Variants in ZSWIM4 observed in about 807,000 individuals in gnomAD.
ZSWIM4 encodes the protein zinc finger SWIM domain-containing protein 4.
A neutral mutation model predicts 102.5 loss-of-function variants in ZSWIM4; 62 were observed. That is an observed-to-expected ratio of 0.60 (90% CI 0.49 to 0.75). The LOEUF (loss-of-function observed/expected upper bound fraction) is 0.75, where lower values mean the gene tolerates loss of function less well. Ranked by LOEUF, ZSWIM4 falls within the 30% of genes least tolerant of loss-of-function variation. The pLI is 0.00. For synonymous variants in ZSWIM4, 652 were observed against 674.5 expected (o/e 0.97, Z 0.52); for missense variants, 1,280 against 1,529.6 (o/e 0.84, Z 2.72).
intron 3 of ZSWIM4, among the ~76,000 whole-genome samples, chr19:13,806,030 G>A (rs1403740138): frequency 1.3e-5 from 2 of 149,500 alleles, no homozygotes; most frequent in Non-Finnish European, 3.0e-5. Flanking sequence ...GTGGAAAAAC[G>A]AATGGGTGGG....
chr19:13,811,053 A>G (rs1975073568), intron 5 of ZSWIM4, among the ~76,000 whole-genome samples: 1 of 150,208 alleles, frequency 6.7e-6, no homozygotes, highest in Non-Finnish European at 1.5e-5. Context: ...AGCTGGGATC[A>G]CAGGCGCCTG....
chr19:13,818,166 C>G (rs1975354293), intron 9 of ZSWIM4, among the ~76,000 whole-genome samples, 190 bp downstream of exon 9: 1 of 152,196 alleles, frequency 6.6e-6, no homozygotes, highest in Admixed American at 6.5e-5. Flanking sequence ...TTCCCGCCAC[C>G]TAGTGCGTGC....
chr19:13,819,693 C>T (rs2145351798), intron 10 of ZSWIM4, among the ~76,000 whole-genome samples: 1 of 148,980 alleles, frequency 6.7e-6, no homozygotes, highest in African/African-American at 2.5e-5. Flanking sequence ...TTATTTTGAG[C>T]TGGAGTCCTC....
chr19:13,800,658 C>T (rs1486337337), intron 2 of ZSWIM4, among the ~76,000 whole-genome samples: 11 of 152,300 alleles, frequency 7.2e-5, no homozygotes, highest in African/African-American at 2.6e-4. Flanking sequence ...CCCCCCACCT[C>T]GGCCTCCCAA....
At chr19:13,808,784 C>CCAA in intron 3 of ZSWIM4, 52 bp from the exon 4 acceptor site, 1 of 1,513,512 alleles carries the variant, frequency 6.6e-7, no homozygotes, top group Non-Finnish European at 8.9e-7. Flanking sequence ...TCAACCCAAC[C>CCAA]CAACCCCAAC....
intron 3 of ZSWIM4, among the ~76,000 whole-genome samples, chr19:13,807,670 A>G (rs146026041): frequency 8.7e-5 from 13 of 149,410 alleles, no homozygotes; most frequent in African/African-American, 3.2e-4. Flanking sequence ...CAGTGGATAA[A>G]TGAGCAAATG....
chr19:13,814,293 C>T (rs942142071), intron 6 of ZSWIM4, among the ~76,000 whole-genome samples: 1 of 152,120 alleles, frequency 6.6e-6, no homozygotes, highest in Non-Finnish European at 1.5e-5. Context: ...ATGTGATCCT[C>T]CCACCTTGGC....
Position 13,825,854 on chromosome 19 carries a change from C to T in ZSWIM4, c.2379+141C>T. On this transcript the variant is annotated intron_variant, in intron 12 of 13. Coordinates refer to ENST00000590508, the MANE Select transcript of ZSWIM4 (RefSeq NM_001367834.3). This position sits in a 1 kb window ranked among gnomAD's most constrained non-coding sequence, Gnocchi z 4.6. The stretch of plus-strand genomic sequence containing the variant: ...ATTTGCGTGAGCTATTCCTCTGTGG[C>T]TGGGGACTGAGCGAGAACCACTCTT... 8.3e-7 allele frequency: 1 copy of T among 1,209,702 alleles called. No homozygotes were observed. Among genetic ancestry groups the T allele is most frequent in the Admixed American group, 2.6e-5 (1 of 38,474 alleles). 74.9% of individuals were successfully genotyped at this position (1,209,702 alleles called of 1,614,324 possible). A position where few individuals can be genotyped will look rare whatever the true frequency, so the allele number is the denominator to read the frequency against.
chr19:13,829,686 G>A (rs1299868525), intron 13 of ZSWIM4, among the ~76,000 whole-genome samples: 4 of 152,104 alleles, frequency 2.6e-5, no homozygotes, highest in Admixed American at 6.6e-5. Context: ...CTAGCTGGGC[G>A]TGGTGGTGGG....
At position 13,795,616 on chromosome 19, in the gene ZSWIM4, G is replaced by GCC. The variant is rs906719598; in HGVS notation, c.-30_-29dup. 3.7e-5 allele frequency: 13 copies of GCC among 349,348 alleles called. No individual in the cohort carries two copies. The highest frequency in any genetic ancestry group is 5.5e-5 in the Non-Finnish European group (12 of 217,686). 21.6% of individuals were successfully genotyped at this position (349,348 alleles called of 1,614,324 possible). ...GCATCGGACCGAGCCCCCCAAAGAG[G>GCC]CCCCGCCCCGGCCCTGGCCCCGGCC... On this transcript the variant is annotated 5_prime_UTR_variant, in exon 1 of 14. Coordinates refer to ENST00000590508, the MANE Select transcript of ZSWIM4 (RefSeq NM_001367834.3).
At chr19:13,813,824 G>A (rs1975180531) in intron 6 of ZSWIM4, among the ~76,000 whole-genome samples, 1 of 150,886 alleles carries the variant, frequency 6.6e-6, no homozygotes, top group South Asian at 2.1e-4. Flanking sequence ...AGGGGGCTGA[G>A]ATGGGAGAAT....
chr19:13,828,358 A>G (rs1295377984), intron 12 of ZSWIM4, among the ~76,000 whole-genome samples: 1 of 152,096 alleles, frequency 6.6e-6, no homozygotes, highest in African/African-American at 2.4e-5. Flanking sequence ...TAGTGAGCCA[A>G]GATCGCACCA....
rs1975011628 is a variant in ZSWIM4, at chr19:13,809,307, T to C, written c.1012+87T>C. 1.4e-6 allele frequency: 2 copies of C among 1,478,262 alleles called. No homozygotes were observed. The highest frequency in any genetic ancestry group is 2.8e-5 in the African/African-American group (2 of 71,218). 91.6% of individuals were successfully genotyped at this position (1,478,262 alleles called of 1,614,324 possible). On this transcript the variant is annotated intron_variant, in intron 5 of 13. Transcript: ENST00000590508. This position sits in a 1 kb window ranked among gnomAD's most constrained non-coding sequence, Gnocchi z 4.2. ...CACTCCAAGATTAGGGTCTGTTCCCTGAATCCGCCCTCCATTCGTTTGGCA... is the reference window on the plus strand; with the variant it reads ...CACTCCAAGATTAGGGTCTGTTCCCCGAATCCGCCCTCCATTCGTTTGGCA...
chr19:13,830,325 G>C lies in ZSWIM4; in HGVS notation c.2596G>C (p.Glu866Gln). The change falls in exon 14 of 14, where the codon GAG (glutamate) becomes CAG (glutamine). Residue 866 changes from glutamate (E) to glutamine (Q), a missense_variant. Coordinates refer to ENST00000590508, the MANE Select transcript of ZSWIM4 (RefSeq NM_001367834.3). Reference protein sequence around the residue: ...LRLQLDTSRREELWACARTLA... With the variant: ...LRLQLDTSRRQELWACARTLA... ...ACTGCAGCTGGACACATCGCGGAGG[G>C]AGGAGCTCTGGGCCTGCGCCCGCAC... 6.2e-7 allele frequency: 1 copy of C among 1,613,520 alleles called. No individual in the cohort carries two copies. The highest frequency in any genetic ancestry group is 1.7e-5 in the Admixed American group (1 of 60,030).
intron 9 of ZSWIM4, among the ~76,000 whole-genome samples, chr19:13,818,473 G>A (rs1339225469): frequency 6.6e-6 from 1 of 152,188 alleles, no homozygotes; most frequent in Non-Finnish European, 1.5e-5. Flanking sequence ...CAAGGCAGGT[G>A]CAGCCCCACC....
intron 3 of ZSWIM4, 91 bp downstream of exon 3, chr19:13,805,239 CAG>C (rs1250811983): frequency 4.8e-6 from 6 of 1,239,728 alleles, no homozygotes; most frequent in African/African-American, 3.0e-5. Flanking sequence ...CACTTACTGA[CAG>C]AAAGTTGTGG....
chr19:13,821,850 C>T (rs575091766), intron 10 of ZSWIM4, among the ~76,000 whole-genome samples: 1 of 152,212 alleles, frequency 6.6e-6, no homozygotes, highest in South Asian at 2.1e-4. Context: ...GATTCTCCTG[C>T]CTCAGCCTCC....
In ZSWIM4 at chr19:13,810,633, G is replaced by A. The variant is rs1475709495; in HGVS notation, c.1012+1413G>A. On this transcript the variant is annotated intron_variant, in intron 5 of 13. Coordinates refer to ENST00000590508, the MANE Select transcript of ZSWIM4 (RefSeq NM_001367834.3). ...TTCTTTTTTCTTTTTTTTTTGAGACGGAGTCTTGCTCTGTCACCCAAGCTG... is the reference window on the plus strand; with the variant it reads ...TTCTTTTTTCTTTTTTTTTTGAGACAGAGTCTTGCTCTGTCACCCAAGCTG... Among the ~76,000 whole-genome samples, 6 of 146,846 alleles carry A rather than the reference G, an allele frequency of 4.1e-5. No homozygotes were observed. The South Asian group carries it at 6.4e-4, about 16-fold the overall frequency.
intron 3 of ZSWIM4, among the ~76,000 whole-genome samples, chr19:13,805,838 G>A (rs1259884157): frequency 4.6e-5 from 7 of 151,686 alleles, no homozygotes; most frequent in Admixed American, 4.6e-4. Flanking sequence ...GGGCGTGGTG[G>A]TGGGTGCCTG....
Sources: allele counts gnomAD v4.1 joint callset (sites outside exome capture counted in the v4.1 genomes callset), GRCh38; gene constraint gnomAD v4.1.1; non-coding constraint Gnocchi (gnomAD v3.1); transcripts MANE v1.5; gene names NCBI Gene and HGNC (gene_info 2026-07-23, HGNC 2026-07-21).